NECAB3: variants seen among roughly 807,000 people sequenced by gnomAD.
NECAB3 encodes the protein N-terminal EF-hand calcium-binding protein 3.
In NECAB3, 38 loss-of-function variants were observed where a neutral mutation model predicts 57.2. The observed-to-expected ratio is 0.66, with a 90% CI of 0.51 to 0.87. NECAB3 has a LOEUF of 0.87. Among genes scored for constraint, NECAB3 ranks in the 40% least tolerant of loss-of-function variants. The pLI is 0.00. For missense variants in NECAB3, 474 were observed against 527.5 expected (o/e 0.90, Z 0.99); for synonymous variants, 223 against 222.6 (o/e 1.00, Z -0.02).
chr20:33,668,167 C>T (rs375317607), intron 5 of NECAB3: 14 of 1,612,252 alleles, frequency 8.7e-6, no homozygotes, highest in South Asian at 2.2e-5. Context: ...CTCCTTCCAG[C>T]GCCGCTGGAT....
intron 5 of NECAB3, chr20:33,663,350 G>A (rs2017541664): frequency 1.6e-6 from 1 of 620,818 alleles, no homozygotes; most frequent in Non-Finnish European, 2.7e-6. Flanking sequence ...GGAAGGGCGG[G>A]CTTCCCCGCG....
At chr20:33,669,496 G>C (rs537385553) in intron 4 of NECAB3, 24 bp from the exon 5 acceptor site, 10 of 1,612,552 alleles carry the variant, frequency 6.2e-6, no homozygotes, top group Admixed American at 5.0e-5. Flanking sequence ...AGGTGCTCAA[G>C]GGTTCCTGGA....
chr20:33,662,501 G>A lies in NECAB3; in HGVS notation c.388-2106C>T, dbSNP rs747175789. On this transcript the variant is annotated intron_variant, in intron 5 of 11. Transcript: ENST00000246190. Reference sequence around the variant, plus strand: ...GGGCGGGGGATGGGGAGCAGGGCTGGGGAGGCAGCTGGGGGGCAGAGAAAG... The same window carrying A: ...GGGCGGGGGATGGGGAGCAGGGCTGAGGAGGCAGCTGGGGGGCAGAGAAAG... The A allele has an allele frequency of 3.9e-6, 6 of 1,548,782 alleles. No homozygotes were observed. The South Asian group carries it at 7.2e-5, about 18-fold the overall frequency.
chr20:33,663,427 C>G (rs1189877260), intron 5 of NECAB3: 1 of 1,246,714 alleles, frequency 8.0e-7, no homozygotes, highest in Admixed American at 2.4e-5. Context: ...GGGTGGACGA[C>G]AGGACCCGGG....
At position 33,659,752 on chromosome 20, in the gene NECAB3, A is replaced by G. The variant is rs779104006; in HGVS notation, c.644-20T>C. 6 of 1,563,576 alleles carry G rather than the reference A, an allele frequency of 3.8e-6. No individual in the cohort carries two copies. The African/African-American group carries it at 4.1e-5, about 11-fold the overall frequency. ...TGCGCCCTGTGTGTGGGGCCCGTGC[A>G]GGGTCAGGCAGGGGCCTCTCAGGTC... On this transcript the variant is annotated intron_variant, in intron 7 of 11. Transcript: ENST00000246190.
At chr20:33,667,776 C>T (rs1170607113) in intron 5 of NECAB3, 1 of 1,612,432 alleles carries the variant, frequency 6.2e-7, no homozygotes, top group East Asian at 2.2e-5. Flanking sequence ...ACTTCGAGGG[C>T]GACCTCCGCG....
chr20:33,657,568 C>A lies in NECAB3; in HGVS notation c.*261G>T. 2.3e-6 allele frequency: 1 copy of A among 436,136 alleles called. No individual in the cohort carries two copies. The allele number at this position is 436,136 out of a possible 1,614,324, so 27.0% of individuals were successfully genotyped here. ...TCAGCCAGGCAGGGACAGCAGGGAC[C>A]AGAATCCAGGTCTCCTGAGCCAGGC... On this transcript the variant is annotated 3_prime_UTR_variant, in exon 12 of 12. Coordinates refer to ENST00000246190, the MANE Select transcript of NECAB3 (RefSeq NM_031232.4).
intron 5 of NECAB3, chr20:33,668,287 TAA>T: frequency 6.5e-7 from 1 of 1,533,756 alleles, no homozygotes; most frequent in Non-Finnish European, 8.8e-7. Flanking sequence ...GCTCTCTATC[TAA>T]AGAGTCAAGT....
In NECAB3 at chr20:33,669,434, G is replaced by T. The variant is rs1470768675; in HGVS notation, c.328C>A (p.Leu110Met). 1.1e-5 allele frequency: 18 copies of T among 1,613,726 alleles called. No homozygotes were observed. The highest frequency in any genetic ancestry group is 1.4e-5 in the Non-Finnish European group (17 of 1,180,032). ...SEHLGVYRPV[L>M]AALESLNRAV... ...CGGTTCAGCGATTCCAATGCAGCCA[G>T]CACCGGCCGGTAGACACCCAGGTGC... Residue 110 changes from leucine (L) to methionine (M), a missense_variant, in exon 5 of 12, where the codon CTG (leucine) becomes ATG (methionine). By Grantham distance (15) the Leu-to-Met change is conservative. Coordinates refer to ENST00000246190, the MANE Select transcript of NECAB3 (RefSeq NM_031232.4).
intron 5 of NECAB3, chr20:33,668,470 C>T: frequency 4.0e-6 from 2 of 495,474 alleles, no homozygotes; most frequent in East Asian, 3.3e-5. Flanking sequence ...CAGCTGCCTA[C>T]CCACAGGGCC....
At position 33,657,771 on chromosome 20, in the gene NECAB3, G is replaced by A. The variant is rs2017329596; in HGVS notation, c.*58C>T. ...TCTTTGCGCTGGGCTGGCCAGTCCA[G>A]AAGGCTCCAGAGGGAGGCAGGCAGG... On this transcript the variant is annotated 3_prime_UTR_variant, in exon 12 of 12. Transcript: ENST00000246190. The A allele has an allele frequency of 6.7e-7, 1 of 1,482,276 alleles. No individual in the cohort carries two copies. Among genetic ancestry groups the A allele is most frequent in the East Asian group, 2.5e-5 (1 of 40,384 alleles). 91.8% of individuals were successfully genotyped at this position (1,482,276 alleles called of 1,614,324 possible). A position where few individuals can be genotyped will look rare whatever the true frequency, so the allele number is the denominator to read the frequency against.
At position 33,659,578 on chromosome 20, in the gene NECAB3, C is replaced by G. The variant is rs756402431; in HGVS notation, c.798G>C (p.Arg266Ser). 2 of 1,595,278 alleles carry G rather than the reference C, an allele frequency of 1.3e-6. No homozygotes were observed. The highest frequency in any genetic ancestry group is 4.5e-5 in the East Asian group (2 of 44,050). ...GTGAGGGCACAGAGTGTGGGCCGGGCCTCCAGCATGGGCCTGGCTCTGGTG... is the reference window on the plus strand; with the variant it reads ...GTGAGGGCACAGAGTGTGGGCCGGGGCTCCAGCATGGGCCTGGCTCTGGTG... ...WYPPEPGPCW[R>S]PGPHSVPSQA... is the part of the protein sequence containing the mutation. The change falls in exon 8 of 12, where the codon AGG (arginine) becomes AGC (serine). Residue 266 changes from arginine to serine, a missense_variant. By Grantham distance (110) the Arg-to-Ser change is moderately radical (BLOSUM62 -1). Transcript: ENST00000246190.
intron 8 of NECAB3, among the ~76,000 whole-genome samples, 171 bp downstream of exon 8, chr20:33,659,326 G>A (rs1464016569): frequency 1.3e-5 from 2 of 152,374 alleles, no homozygotes; most frequent in East Asian, 3.9e-4. Context: ...AAAGCCCAGA[G>A]AAAGGTGGTG....
chr20:33,662,513 G>C (rs756165170), intron 5 of NECAB3: 5 of 1,544,862 alleles, frequency 3.2e-6, no homozygotes, highest in East Asian at 4.9e-5. Context: ...GAGGCAGCTG[G>C]GGGGCAGAGA....
chr20:33,674,211 C>T lies in NECAB3; in HGVS notation c.129+13G>A. On this transcript the variant is annotated intron_variant, in intron 1 of 11. Coordinates refer to ENST00000246190, the MANE Select transcript of NECAB3 (RefSeq NM_031232.4). Reference sequence around the variant, plus strand: ...GTAGGGAGACACCGCGAGCAGAGCCCGCGCCCACTCACGTCCTGGAAGAGC... The same window carrying T: ...GTAGGGAGACACCGCGAGCAGAGCCTGCGCCCACTCACGTCCTGGAAGAGC... The T allele has an allele frequency of 8.0e-7, 1 of 1,257,002 alleles. No homozygotes were observed. Among genetic ancestry groups the T allele is most frequent in the East Asian group, 3.0e-5 (1 of 33,066 alleles). The allele number at this position is 1,257,002 out of a possible 1,614,324, so 77.9% of individuals were successfully genotyped here.
intron 5 of NECAB3, chr20:33,662,558 G>C (rs1053845470): frequency 1.7e-5 from 25 of 1,439,028 alleles, no homozygotes; most frequent in Non-Finnish European, 2.4e-5. Context: ...GATGCTGGGA[G>C]TCTAGGCCTT....
intron 5 of NECAB3, chr20:33,666,594 C>G (rs1302783647): frequency 1.3e-5 from 2 of 152,322 alleles, no homozygotes; most frequent in African/African-American, 4.8e-5. Flanking sequence ...AAGGCCCCTT[C>G]GCCCTCAAAG....
chr20:33,668,239 A>C (rs912725453), intron 5 of NECAB3: 1 of 1,573,182 alleles, frequency 6.4e-7, no homozygotes, highest in African/African-American at 1.4e-5. Flanking sequence ...CAACTGAGTC[A>C]GGCTGGACTG....
At chr20:33,663,972 C>T in intron 5 of NECAB3, 1 of 1,037,376 alleles carries the variant, frequency 9.6e-7, no homozygotes. Flanking sequence ...CAAAGCTCAG[C>T]CTAGGAGCCG....
Sources: allele counts gnomAD v4.1 joint callset (sites outside exome capture counted in the v4.1 genomes callset), GRCh38; gene constraint gnomAD v4.1.1; transcripts MANE v1.5; gene names NCBI Gene and HGNC (gene_info 2026-07-23, HGNC 2026-07-21).